MAPKAP1: variants seen among roughly 807,000 people sequenced by gnomAD.
The protein encoded by MAPKAP1 is target of rapamycin complex 2 subunit MAPKAP1.
A neutral mutation model predicts 65.7 loss-of-function variants in MAPKAP1; 20 were observed. The observed-to-expected ratio is 0.30, with a 90% CI of 0.21 to 0.44. The LOEUF is 0.44. MAPKAP1 is among the 20% of genes least tolerant of loss of function. The pLI, the probability that MAPKAP1 is intolerant of heterozygous loss-of-function variation, is 1.00. For synonymous variants in MAPKAP1, 222 were observed against 244.3 expected (o/e 0.91, Z 0.85); for missense variants, 423 against 648.0 (o/e 0.65, Z 3.77).
At chr9:125,510,056 A>G (rs1298250200) in intron 7 of MAPKAP1, among the ~76,000 whole-genome samples, 1 of 152,244 alleles carries the variant, frequency 6.6e-6, no homozygotes, top group Non-Finnish European at 1.5e-5. Context: ...TTATGTGCCA[A>G]GCATGCTATA....
At chr9:125,630,237 T>A (rs1833240909) in intron 4 of MAPKAP1, among the ~76,000 whole-genome samples, 1 of 152,102 alleles carries the variant, frequency 6.6e-6, no homozygotes. Context: ...CCGATCCTCC[T>A]GCCTCAGCCT....
chr9:125,651,809 C>T (rs1833901210), intron 4 of MAPKAP1, among the ~76,000 whole-genome samples: 1 of 152,122 alleles, frequency 6.6e-6, no homozygotes, highest in Admixed American at 6.5e-5. Flanking sequence ...ATGGTTACCC[C>T]CGCACCCCCA....
intron 4 of MAPKAP1, among the ~76,000 whole-genome samples, chr9:125,600,245 C>T (rs374423698): frequency 4.0e-5 from 6 of 151,328 alleles, no homozygotes; most frequent in Admixed American, 3.3e-4. Context: ...CAGTCCACTC[C>T]GTATCAGAAA....
chr9:125,451,686 C>T (rs1852955533), intron 10 of MAPKAP1, among the ~76,000 whole-genome samples: 1 of 152,140 alleles, frequency 6.6e-6, no homozygotes, highest in South Asian at 2.1e-4. Flanking sequence ...TCACGTTTAT[C>T]TTCCGTCCCT....
At chr9:125,636,308 G>GA (rs894393487) in intron 4 of MAPKAP1, among the ~76,000 whole-genome samples, 1 of 151,484 alleles carries the variant, frequency 6.6e-6, no homozygotes, top group Non-Finnish European at 1.5e-5. Context: ...ATACAGAAGA[G>GA]AAAAAAAATA....
chr9:125,488,590 C>A (rs1016007612), intron 8 of MAPKAP1, among the ~76,000 whole-genome samples: 4 of 152,250 alleles, frequency 2.6e-5, no homozygotes, highest in Non-Finnish European at 4.4e-5. Context: ...AGGTTATCCA[C>A]CCGCCTCGGC....
chr9:125,521,859 G>T, intron 7 of MAPKAP1: 1 of 1,143,462 alleles, frequency 8.7e-7, no homozygotes, highest in South Asian at 1.3e-5. Context: ...ACCTGAGTCA[G>T]TGGAGAGCAA....
intron 3 of MAPKAP1, among the ~76,000 whole-genome samples, chr9:125,665,737 T>C (rs963857072): frequency 3.9e-5 from 6 of 152,262 alleles, no homozygotes; most frequent in African/African-American, 1.4e-4. Context: ...GGGAATGTTA[T>C]TATAACATGC....
intron 3 of MAPKAP1, among the ~76,000 whole-genome samples, chr9:125,658,090 C>G (rs1002105187): frequency 2.0e-5 from 3 of 152,172 alleles, no homozygotes; most frequent in Non-Finnish European, 4.4e-5. Context: ...CCAGGAGACC[C>G]GAGCTTTGGC....
chr9:125,463,089 C>A (rs2132979277), intron 10 of MAPKAP1, among the ~76,000 whole-genome samples: 1 of 152,352 alleles, frequency 6.6e-6, no homozygotes, highest in East Asian at 1.9e-4. Flanking sequence ...TTTCATTAAT[C>A]TTCTTGCCAT....
At chr9:125,625,255 T>TAAAAAAAA (rs58671780) in intron 4 of MAPKAP1, among the ~76,000 whole-genome samples, 24 of 64,638 alleles carry the variant, frequency 3.7e-4, no homozygotes, top group African/African-American at 1.4e-3. Context: ...AATAAATAAA[T>TAAAAAAAA]AAAAAAAAAA....
chr9:125,459,854 G>GGGGAGAGGGAGGGGGAGAGGGAGA (rs1853408710), intron 10 of MAPKAP1, among the ~76,000 whole-genome samples: 2 of 127,356 alleles, frequency 1.6e-5, no homozygotes, highest in African/African-American at 3.0e-5. Context: ...GGGAGACCGT[G>GGGGAGAGGGAGGGGGAGAGGGAGA]GGGAGAGGGA....
chr9:125,540,255 G>C (rs1204959952), intron 7 of MAPKAP1, among the ~76,000 whole-genome samples: 1 of 152,184 alleles, frequency 6.6e-6, no homozygotes, highest in Non-Finnish European at 1.5e-5. Context: ...TGAAGGACAA[G>C]AGAGCAAACA....
chr9:125,669,987 G>A, intron 2 of MAPKAP1, 80 bp from the exon 3 acceptor site: 1 of 797,374 alleles, frequency 1.3e-6, no homozygotes, highest in Non-Finnish European at 2.0e-6. Context: ...ACCTTTACAT[G>A]AATAAAGATG....
intron 5 of MAPKAP1, among the ~76,000 whole-genome samples, chr9:125,562,136 C>T (rs941270064): frequency 6.6e-6 from 1 of 152,106 alleles, no homozygotes; most frequent in African/African-American, 2.4e-5. Context: ...AAATAATAAG[C>T]CTATTGATCA....
chr9:125,515,378 T>C (rs2133103790), intron 7 of MAPKAP1, among the ~76,000 whole-genome samples: 1 of 152,350 alleles, frequency 6.6e-6, no homozygotes, highest in East Asian at 1.9e-4. Context: ...AACTTTTATC[T>C]TTGCTACAAA....
At chr9:125,456,345 G>C (rs1271197436) in intron 10 of MAPKAP1, among the ~76,000 whole-genome samples, 6 of 152,130 alleles carry the variant, frequency 3.9e-5, no homozygotes, top group Admixed American at 2.6e-4. Context: ...ATATATGTTA[G>C]AACACTTGCT....
chr9:125,469,342 C>A lies in MAPKAP1; in HGVS notation c.1208-1233G>T, dbSNP rs545269372. The stretch of plus-strand genomic sequence containing the variant: ...GCAGCAGCAGATAAAAGAAACAGTT[C>A]AATTAACCTCCCCCCAAAATAAAAC... On this transcript the variant is annotated intron_variant, in intron 9 of 11. Coordinates refer to ENST00000265960, the MANE Select transcript of MAPKAP1 (RefSeq NM_001006617.3). Among the ~76,000 whole-genome samples, 5 of 152,140 alleles carry A rather than the reference C, an allele frequency of 3.3e-5. No homozygotes were observed. The East Asian group carries it at 9.7e-4, about 29-fold the overall frequency.
In MAPKAP1 at chr9:125,677,393, T is replaced by TC. The variant is rs201912486; in HGVS notation, c.-69-4751dup. On this transcript the variant is annotated intron_variant, in intron 1 of 11. Coordinates refer to ENST00000265960, the MANE Select transcript of MAPKAP1 (RefSeq NM_001006617.3). ...TCCAGCCTCAGCAACGGAGCAAGAC[T>TC]CCATCTGAAAAAAATAATAAGGCCC... Among the ~76,000 whole-genome samples the TC allele has an allele frequency of 6.9e-3, 1,049 of 151,876 alleles. 16 individuals carry two copies. The highest frequency in any genetic ancestry group is 0.023 in the African/African-American group (945 of 41,396).
Sources: gnomAD v4.1 joint callset for allele counts (sites outside exome capture counted in the v4.1 genomes callset) on GRCh38, gnomAD v4.1.1 for gene constraint, MANE v1.5 for transcripts, NCBI Gene and HGNC (gene_info 2026-07-23, HGNC 2026-07-21) for gene names.